Variants in ESRRG observed in about 807,000 individuals in gnomAD.
ESRRG encodes estrogen related receptor gamma, also known as estrogen-related receptor gamma.
ESRRG carries 13 observed loss-of-function variants against 44.0 expected under a neutral mutation model. The ratio of observed to expected loss-of-function variants is 0.30; its 90% confidence interval spans 0.19 to 0.47. ESRRG has a LOEUF of 0.47. Among genes scored for constraint, ESRRG ranks in the 20% least tolerant of loss-of-function variants. The probability of loss-of-function intolerance (pLI) is 1.00; values close to 1 mark genes in which losing one functional copy is unlikely to be tolerated. For missense variants in ESRRG, 395 were observed against 580.6 expected, an observed-to-expected ratio of 0.68 and a Z score of 3.29; for synonymous variants, 215 against 214.6, an observed-to-expected ratio of 1.00 and a Z score of -0.02.
chr1:217,011,944 C>G (rs1191826727), intron 1 of ESRRG, among the ~76,000 whole-genome samples: 1 of 152,154 alleles, frequency 6.6e-6, no homozygotes, highest in East Asian at 1.9e-4. Flanking sequence ...CTTGTACCCC[C>G]TCTGCAGGAT....
intron 2 of ESRRG, among the ~76,000 whole-genome samples, chr1:216,880,509 T>A (rs2096429677): frequency 1.3e-5 from 2 of 151,950 alleles, no homozygotes; most frequent in South Asian, 4.1e-4. Context: ...CACCCAAAGA[T>A]TTCTACAAAG....
chr1:216,554,755 T>C (rs911380784), intron 5 of ESRRG, among the ~76,000 whole-genome samples: 18 of 152,302 alleles, frequency 1.2e-4, no homozygotes, highest in African/African-American at 4.3e-4. Context: ...ATAATAAAAA[T>C]GTGTAGTTAA....
At chr1:216,522,285 G>A (rs1350969633) in intron 5 of ESRRG, among the ~76,000 whole-genome samples, 1 of 70,834 alleles carries the variant, frequency 1.4e-5, no homozygotes, top group Non-Finnish European at 2.6e-5. Flanking sequence ...TTTTTTTTTT[G>A]GTGAGGGAGC....
intron 5 of ESRRG, among the ~76,000 whole-genome samples, chr1:216,527,733 T>A (rs1403791639): frequency 6.6e-6 from 1 of 152,144 alleles, no homozygotes; most frequent in Non-Finnish European, 1.5e-5. Flanking sequence ...TACACACACT[T>A]CTTTCCATTC....
intron 5 of ESRRG, among the ~76,000 whole-genome samples, chr1:216,552,103 T>C (rs1016989372): frequency 6.6e-6 from 1 of 152,150 alleles, no homozygotes; most frequent in Non-Finnish European, 1.5e-5. Context: ...GTTTATACTT[T>C]GTGATATCTA....
chr1:217,013,282 AC>A (rs2078895109), intron 1 of ESRRG, among the ~76,000 whole-genome samples: 1 of 152,232 alleles, frequency 6.6e-6, no homozygotes, highest in Non-Finnish European at 1.5e-5. Flanking sequence ...AGCTAAGGTG[AC>A]CATTAGTTCA....
In ESRRG at chr1:217,055,163, C is replaced by T. The variant is rs145844985; in HGVS notation, c.-106+34344G>A. Reference sequence around the variant, plus strand: ...GTCTTGCTTACAAACCACCAATAGCCCTTTTTTTCATGCATGATGAGGTTT... The same window carrying T: ...GTCTTGCTTACAAACCACCAATAGCTCTTTTTTTCATGCATGATGAGGTTT... On this transcript the variant is annotated intron_variant, in intron 1 of 7. Coordinates refer to the ESRRG transcript ENST00000359162. Among the ~76,000 whole-genome samples the T allele has an allele frequency of 3.3e-4, 50 of 152,230 alleles. No homozygotes were observed. The East Asian group carries it at 7.7e-3, about 24-fold the overall frequency.
intron 2 of ESRRG, among the ~76,000 whole-genome samples, chr1:216,924,627 T>C (rs1439431269): frequency 6.6e-6 from 1 of 152,216 alleles, no homozygotes; most frequent in Non-Finnish European, 1.5e-5. Context: ...ATATAAAAGT[T>C]ATCATTTTGC....
intron 2 of ESRRG, among the ~76,000 whole-genome samples, chr1:216,749,147 A>AT (rs34684564): frequency 0.57 from 84,117 of 148,860 alleles, 24,525 homozygotes; most frequent in Admixed American, 0.64. Context: ...GTGTCTAAAT[A>AT]TTTTTTTTTT....
chr1:216,575,944 T>C (rs2061612344), intron 3 of ESRRG, among the ~76,000 whole-genome samples: 1 of 152,048 alleles, frequency 6.6e-6, no homozygotes, highest in African/African-American at 2.4e-5. Flanking sequence ...ATAAGGTGAT[T>C]TCACCTTTAA....
At chr1:216,835,249 C>T (rs970239361) in intron 2 of ESRRG, among the ~76,000 whole-genome samples, 1 of 152,146 alleles carries the variant, frequency 6.6e-6, no homozygotes, top group Admixed American at 6.5e-5. Flanking sequence ...ATTCACAAAT[C>T]GGGCAGCCCC....
At chr1:217,062,232 A>C (rs1489868652) in intron 1 of ESRRG, among the ~76,000 whole-genome samples, 1 of 152,158 alleles carries the variant, frequency 6.6e-6, no homozygotes, top group East Asian at 1.9e-4. Context: ...CTGGTTTTGC[A>C]TGACACTCTG....
intron 2 of ESRRG, among the ~76,000 whole-genome samples, chr1:216,888,835 T>G (rs953650419): frequency 6.6e-6 from 1 of 152,070 alleles, no homozygotes; most frequent in Admixed American, 6.5e-5. Flanking sequence ...TCTAAGTGGA[T>G]CAGAGATATG....
At chr1:217,046,800 T>G (rs1272001437) in intron 1 of ESRRG, among the ~76,000 whole-genome samples, 2 of 152,034 alleles carry the variant, frequency 1.3e-5, no homozygotes, top group Admixed American at 1.3e-4. Context: ...GGAGAATTGC[T>G]TATGCCAAGG....
upstream of ESRRG, among the ~76,000 whole-genome samples, chr1:217,094,482 C>T (rs150177787): frequency 9.9e-5 from 15 of 152,226 alleles, no homozygotes; most frequent in African/African-American, 3.6e-4. Context: ...CCTTATTTGT[C>T]CTCATGTGTT....
At chr1:216,715,121 C>T (rs1198996587) in intron 1 of ESRRG, 1 of 985,286 alleles carries the variant, frequency 1.0e-6, no homozygotes. Flanking sequence ...CAGAATGAGC[C>T]TTCCTTTAGA....
At chr1:216,740,299 G>T (rs1011828716) in intron 2 of ESRRG, among the ~76,000 whole-genome samples, 2 of 152,168 alleles carry the variant, frequency 1.3e-5, no homozygotes, top group Non-Finnish European at 2.9e-5. Flanking sequence ...TGATAAGGGA[G>T]TTAAAAACCT....
intron 3 of ESRRG, among the ~76,000 whole-genome samples, chr1:216,623,882 A>T (rs1373707854): frequency 6.6e-6 from 1 of 152,132 alleles, no homozygotes; most frequent in Non-Finnish European, 1.5e-5. Flanking sequence ...AGACAGGTCT[A>T]CACCGAGAGC....
In ESRRG at chr1:216,677,374, A is replaced by G. The variant is rs746350537; in HGVS notation, c.174T>C (p.Pro58=). ...TCCCACTGGCGTCTGAAGAGCCACC[A>G]GGGCTGTGGTGGTTGACGCTGTCCG... ...SLTDSVNHHS[P]GGSSDASGSY... is the part of the protein sequence containing the mutation. The change falls in exon 2 of 7, where the codon CCT becomes CCC. Residue 58 remains proline (P), a synonymous_variant. Transcript: ENST00000408911. 3.7e-6 allele frequency: 6 copies of G among 1,614,060 alleles called. No homozygotes were observed. The African/African-American group carries it at 8.0e-5, about 22-fold the overall frequency.
Sources: gnomAD v4.1 joint callset for allele counts (sites outside exome capture counted in the v4.1 genomes callset) on GRCh38, gnomAD v4.1.1 for gene constraint, MANE v1.5 for transcripts, NCBI Gene and HGNC (gene_info 2026-07-23, HGNC 2026-07-21) for gene names.